TEX11: variants seen among roughly 807,000 people sequenced by gnomAD.
The protein encoded by TEX11 is testis expressed 11.
A neutral mutation model predicts 84.4 loss-of-function variants in TEX11; 7 were observed. The ratio of observed to expected loss-of-function variants is 0.08; its 90% CI spans 0.05 to 0.16. The LOEUF is 0.16. Among genes scored for constraint, TEX11 ranks in the 10% least tolerant of loss-of-function variants. The probability of loss-of-function intolerance (pLI) is 1.00; values close to 1 mark genes in which losing one functional copy is unlikely to be tolerated. For missense variants in TEX11, 551 were observed against 660.5 expected (o/e 0.83, Z 1.82); for synonymous variants, 264 against 222.8 (o/e 1.18, Z -1.64).
intron 11 of TEX11, among the ~76,000 whole-genome samples, chrX:70,737,693 CA>C (rs1208207958): frequency 1.1e-4 from 10 of 87,327 alleles, no homozygotes; most frequent in East Asian, 7.6e-4. Flanking sequence ...ACCCCCCCCC[CA>C]AAAAAAGCTG....
chrX:70,698,350 A>G (rs1432351782), intron 13 of TEX11, among the ~76,000 whole-genome samples: 1 of 111,325 alleles, frequency 9.0e-6, no homozygotes, highest in Non-Finnish European at 1.9e-5. Flanking sequence ...TGAATGTAAG[A>G]ATAAATCTAT....
intron 9 of TEX11, among the ~76,000 whole-genome samples, chrX:70,805,395 C>T (rs1327425900): frequency 9.2e-6 from 1 of 108,940 alleles, no homozygotes; most frequent in Non-Finnish European, 1.9e-5. Context: ...CTCCATGATC[C>T]ATTTTTTTTT....
At chrX:70,544,720 T>A (rs2088092633) in intron 28 of TEX11, among the ~76,000 whole-genome samples, 1 of 106,836 alleles carries the variant, frequency 9.4e-6, no homozygotes, top group Non-Finnish European at 1.9e-5. Context: ...ACGCCTGTAA[T>A]CCCAGCTACT....
rs768953915 is a variant in TEX11, at chrX:70,679,907, GA to G, written c.1157-1019del. On this transcript the variant is annotated intron_variant, in intron 14 of 29. Transcript: ENST00000374333. ...GCCTCTGCCCGGCCGCCCCTACTGG[GA>G]AGTGAGGAGCCCCTCTGCCCGGCCA... Among the ~76,000 whole-genome samples the G allele has an allele frequency of 2.4e-3, 210 of 86,752 alleles. 1 individual carries two copies. The highest frequency in any genetic ancestry group is 3.5e-3 in the Non-Finnish European group (135 of 38,499). The allele number at this position is 86,752 out of a possible 115,157, so 75.3% of individuals were successfully genotyped here. A position where few individuals can be genotyped will look rare whatever the true frequency, so the allele number is the denominator to read the frequency against.
chrX:70,731,332 A>C (rs768149124), intron 11 of TEX11, among the ~76,000 whole-genome samples: 165 of 111,661 alleles, frequency 1.5e-3, no homozygotes, highest in African/African-American at 5.2e-3. Context: ...ATAGAGACAC[A>C]AAAAAGCCTT....
intron 9 of TEX11, among the ~76,000 whole-genome samples, chrX:70,771,095 T>C (rs1305667695): frequency 1.8e-5 from 2 of 112,301 alleles, no homozygotes; most frequent in Non-Finnish European, 3.8e-5. Flanking sequence ...TACGTGTTTG[T>C]TTAAAAAAAG....
chrX:70,788,965 TATATATATAGAGAGAG>T (rs1378979428), intron 9 of TEX11, among the ~76,000 whole-genome samples: 132 of 39,949 alleles, frequency 3.3e-3, no homozygotes, highest in African/African-American at 0.01. Context: ...TATATATATA[TATATATATAGAGAGAG>T]AGAGAGAGAG....
chrX:70,716,481 C>G (rs1013706569), intron 13 of TEX11, among the ~76,000 whole-genome samples: 2 of 112,096 alleles, frequency 1.8e-5, no homozygotes, highest in African/African-American at 3.2e-5. Context: ...ACTCAAGCCT[C>G]GGCAATGGTG....
chrX:70,752,524 C>CAAAAA lies in TEX11; in HGVS notation c.693-8310_693-8306dup, dbSNP rs753939405. ...TGGGTGACAGAGCGATACTCTGTCT[C>CAAAAA]AAAAAAAAAAAAAAAAAAAAAGAAA... On this transcript the variant is annotated intron_variant, in intron 9 of 29. Coordinates refer to ENST00000374333, the MANE Select transcript of TEX11 (RefSeq NM_031276.3). Among the ~76,000 whole-genome samples the CAAAAA allele has an allele frequency of 3.1e-3, 80 of 25,607 alleles. 1 individual carries two copies. The highest frequency in any genetic ancestry group is 4.5e-3 in the Non-Finnish European group (56 of 12,566). 22.2% of individuals were successfully genotyped at this position (25,607 alleles called of 115,157 possible). A position where few individuals can be genotyped will look rare whatever the true frequency, so the allele number is the denominator to read the frequency against.
At chrX:70,638,017 T>C (rs1264378044) in intron 17 of TEX11, among the ~76,000 whole-genome samples, 1 of 106,293 alleles carries the variant, frequency 9.4e-6, no homozygotes, top group Non-Finnish European at 1.9e-5. Context: ...AGGGCAAATA[T>C]CTGAATTATA....
chrX:70,598,556 T>G (rs1027426118), intron 24 of TEX11, among the ~76,000 whole-genome samples: 15 of 112,195 alleles, frequency 1.3e-4, no homozygotes, highest in African/African-American at 4.5e-4. Flanking sequence ...ATGCAAAAAT[T>G]TGTACATAAA....
intron 7 of TEX11, among the ~76,000 whole-genome samples, chrX:70,834,773 A>T: frequency 9.0e-6 from 1 of 110,517 alleles, no homozygotes; most frequent in Middle Eastern, 4.6e-3. Flanking sequence ...CAAAAAAAAA[A>T]AAAAGGCTGA....
chrX:70,892,723 A>G (rs2147881962), intron 2 of TEX11, among the ~76,000 whole-genome samples: 1 of 108,165 alleles, frequency 9.2e-6, no homozygotes, highest in Non-Finnish European at 1.9e-5. Context: ...ACAAAGCAAG[A>G]CTTAGTCTCA....
intron 13 of TEX11, among the ~76,000 whole-genome samples, chrX:70,684,098 C>T (rs1160152989): frequency 2.7e-5 from 3 of 111,565 alleles, no homozygotes; most frequent in South Asian, 3.8e-4. Context: ...AAAACTGTTT[C>T]CATGGGACCA....
At chrX:70,557,956 C>G (rs374075276) in intron 25 of TEX11, among the ~76,000 whole-genome samples, 1 of 111,376 alleles carries the variant, frequency 9.0e-6, no homozygotes, top group East Asian at 2.8e-4. Flanking sequence ...CGAGACCAGC[C>G]TGGCTAACTC....
intron 5 of TEX11, chrX:70,857,562 G>A: frequency 3.8e-6 from 1 of 260,311 alleles, no homozygotes; most frequent in Non-Finnish European, 7.3e-6. Context: ...TGTAGCTAAA[G>A]ATTCAAGATA....
rs1262190536 is a variant in TEX11, at chrX:70,590,489, A to G, written c.2140+1262T>C. ...TAATTTTATAAAATCTATTATTATA[A>G]CTCAATATATTAATAGTTCAAAAGA... is the stretch of plus-strand genomic sequence containing the variant. On this transcript the variant is annotated intron_variant, in intron 25 of 29. Coordinates refer to ENST00000374333, the MANE Select transcript of TEX11 (RefSeq NM_031276.3). Among the ~76,000 whole-genome samples, 27 of 111,488 alleles carry G rather than the reference A, an allele frequency of 2.4e-4. No homozygotes were observed. In the Admixed American group the frequency reaches 2.6e-3, roughly 11 times the overall value.
chrX:70,557,599 C>G (rs2088305716), intron 25 of TEX11, among the ~76,000 whole-genome samples: 1 of 111,544 alleles, frequency 9.0e-6, no homozygotes, highest in Non-Finnish European at 1.9e-5. Context: ...TTGAAATAAA[C>G]AAGATGTAAC....
rs1403776242 is a variant in TEX11 at position 70,841,807 on chromosome X, C to A, written c.526-8214G>T. ...AAAATGATAAAGGGGATATCACCAC[C>A]GATCCCACAGAAATACAAACTACCA... On this transcript the variant is annotated intron_variant, in intron 7 of 29. Transcript: ENST00000374333. Among the ~76,000 whole-genome samples, 9 of 110,932 alleles carry A rather than the reference C, an allele frequency of 8.1e-5. No homozygotes were observed. In the East Asian group the frequency reaches 1.7e-3, roughly 21 times the overall value.
Sources: gnomAD v4.1 joint callset for allele counts (sites outside exome capture counted in the v4.1 genomes callset) on GRCh38, gnomAD v4.1.1 for gene constraint, MANE v1.5 for transcripts, NCBI Gene and HGNC (gene_info 2026-07-23, HGNC 2026-07-21) for gene names.